The following GRID1 variants were observed in gnomAD, a reference collection of about 807,000 sequenced individuals.
GRID1 encodes glutamate receptor ionotropic, delta-1.
Under a neutral mutation model 98.0 loss-of-function variants are expected in GRID1, and 28 were observed. That is an observed-to-expected ratio of 0.29 (90% CI 0.21 to 0.39). GRID1 has a LOEUF of 0.39. GRID1 is among the 10% of genes least tolerant of loss of function. The pLI, the probability that GRID1 is intolerant of heterozygous loss-of-function variation, is 1.00. For synonymous variants in GRID1, 553 were observed against 538.5 expected (o/e 1.03, Z -0.37); for missense variants, 1,111 against 1,340.5 (o/e 0.83, Z 2.67).
chr10:85,987,138 C>T (rs1842617983), intron 4 of GRID1, among the ~76,000 whole-genome samples: 1 of 151,974 alleles, frequency 6.6e-6, no homozygotes, highest in African/African-American at 2.4e-5. Context: ...AGAGTTGCCC[C>T]AGCTTGCCAG....
chr10:86,163,844 C>A (rs970285697), intron 3 of GRID1, among the ~76,000 whole-genome samples: 1 of 152,194 alleles, frequency 6.6e-6, no homozygotes, highest in Non-Finnish European at 1.5e-5. Context: ...CACCAAATGG[C>A]TGAGAGGATG....
chr10:86,059,281 G>A (rs1051440659), intron 4 of GRID1, among the ~76,000 whole-genome samples: 2 of 152,170 alleles, frequency 1.3e-5, no homozygotes, highest in Admixed American at 6.5e-5. Context: ...GTGAGAGAGG[G>A]TAGACAAAAG....
At chr10:85,781,688 C>T (rs976907592) in intron 8 of GRID1, among the ~76,000 whole-genome samples, 1 of 152,024 alleles carries the variant, frequency 6.6e-6, no homozygotes, top group African/African-American at 2.4e-5. Flanking sequence ...AGAGCATCTA[C>T]TACATGGCTG....
intron 2 of GRID1, among the ~76,000 whole-genome samples, chr10:86,358,786 T>A (rs1484122484): frequency 1.3e-5 from 2 of 151,104 alleles, no homozygotes; most frequent in African/African-American, 2.4e-5. Context: ...AATAGGGAGA[T>A]TATCTGGGAT....
At chr10:86,190,306 AAC>A (rs766237164) in intron 3 of GRID1, among the ~76,000 whole-genome samples, 7 of 152,162 alleles carry the variant, frequency 4.6e-5, no homozygotes, top group Admixed American at 1.3e-4. Flanking sequence ...GCTGTGACCA[AAC>A]ACAGAGTTGG....
At chr10:86,265,042 G>A (rs754291636) in intron 2 of GRID1, among the ~76,000 whole-genome samples, 31 of 152,322 alleles carry the variant, frequency 2.0e-4, no homozygotes, top group Non-Finnish European at 4.3e-4. Flanking sequence ...GCATGGGCAC[G>A]GAGAGGCTCC....
intron 8 of GRID1, among the ~76,000 whole-genome samples, chr10:85,784,848 G>A (rs1036547445): frequency 2.0e-5 from 3 of 152,232 alleles, no homozygotes; most frequent in Non-Finnish European, 2.9e-5. Flanking sequence ...CTATGGAATA[G>A]TGTTTTCACT....
intron 2 of GRID1, among the ~76,000 whole-genome samples, chr10:86,259,340 T>G (rs1478764928): frequency 6.6e-6 from 1 of 152,178 alleles, no homozygotes; most frequent in Non-Finnish European, 1.5e-5. Context: ...TCTCTCTCTC[T>G]CCTCTCTCCT....
chr10:85,767,701 T>A (rs1842211305), intron 8 of GRID1, among the ~76,000 whole-genome samples: 1 of 152,214 alleles, frequency 6.6e-6, no homozygotes, highest in Admixed American at 6.5e-5. Flanking sequence ...TTCATATGCT[T>A]GACAGCTGGC....
chr10:85,962,352 TACTTAAGGAG>T (rs1433099376), intron 4 of GRID1, among the ~76,000 whole-genome samples: 2 of 152,206 alleles, frequency 1.3e-5, no homozygotes, highest in East Asian at 3.8e-4. Flanking sequence ...CTTGCTTCTC[TACTTAAGGAG>T]ACAACCTGAA....
At chr10:86,324,838 A>G (rs1018442693) in intron 2 of GRID1, among the ~76,000 whole-genome samples, 2 of 152,118 alleles carry the variant, frequency 1.3e-5, no homozygotes, top group African/African-American at 4.8e-5. Context: ...AACTTTTTAC[A>G]AAAGATACAA....
intron 14 of GRID1, among the ~76,000 whole-genome samples, chr10:85,617,873 G>A (rs139757219): frequency 1.1e-3 from 172 of 152,220 alleles, no homozygotes; most frequent in African/African-American, 3.9e-3. Flanking sequence ...TAGTGGGCAG[G>A]CCTGTTTCAG....
chr10:85,812,571 C>T (rs560274996), intron 8 of GRID1, among the ~76,000 whole-genome samples: 6 of 152,082 alleles, frequency 3.9e-5, no homozygotes, highest in South Asian at 2.1e-4. Flanking sequence ...ATTCCAATTC[C>T]GCTAGGCTGG....
At chr10:85,830,205 G>C (rs952062738) in intron 8 of GRID1, among the ~76,000 whole-genome samples, 4 of 152,108 alleles carry the variant, frequency 2.6e-5, no homozygotes, top group Admixed American at 6.5e-5. Context: ...ACAAGCAATG[G>C]GGGAGGGCCT....
rs141957616 is a variant in GRID1 at position 85,958,716 on chromosome 10, G to A, written c.727-42477C>T. Among the ~76,000 whole-genome samples the A allele has an allele frequency of 4.3e-3, 660 of 152,162 alleles. 11 individuals carry two copies. The highest frequency in any genetic ancestry group is 0.015 in the African/African-American group (631 of 41,508). On this transcript the variant is annotated intron_variant, in intron 4 of 15. Coordinates refer to ENST00000327946, the MANE Select transcript of GRID1 (RefSeq NM_017551.3). ...CTCACACCTGTAATCCCAGCACTTC[G>A]GGAGGCTGAGGCAGGCAGATCACCT...
chr10:86,268,007 G>A (rs965332792), intron 2 of GRID1, among the ~76,000 whole-genome samples: 2 of 152,182 alleles, frequency 1.3e-5, no homozygotes, highest in Non-Finnish European at 2.9e-5. Flanking sequence ...CCCGGTGCTC[G>A]CCTGTGTCAT....
At chr10:86,042,611 A>G (rs1843362412) in intron 4 of GRID1, among the ~76,000 whole-genome samples, 1 of 152,202 alleles carries the variant, frequency 6.6e-6, no homozygotes, top group Non-Finnish European at 1.5e-5. Context: ...AGCAAACTCA[A>G]GACCTACAGG....
chr10:85,732,363 G>A (rs1841835369), intron 8 of GRID1, among the ~76,000 whole-genome samples: 1 of 152,148 alleles, frequency 6.6e-6, no homozygotes, highest in African/African-American at 2.4e-5. Context: ...ACCCAGATTC[G>A]TAACATCTGC....
intron 4 of GRID1, among the ~76,000 whole-genome samples, chr10:86,051,540 T>C (rs1347354750): frequency 6.7e-6 from 1 of 150,036 alleles, no homozygotes; most frequent in South Asian, 2.1e-4. Context: ...ATCAATGAAC[T>C]GGTTCAATAT....
Sources: allele counts gnomAD v4.1 joint callset (sites outside exome capture counted in the v4.1 genomes callset), GRCh38; gene constraint gnomAD v4.1.1; transcripts MANE v1.5; gene names NCBI Gene and HGNC (gene_info 2026-07-23, HGNC 2026-07-21).